Variants in TMEM120B observed in about 807,000 individuals in gnomAD.
TMEM120B encodes the protein transmembrane protein 120B.
TMEM120B carries 31 observed loss-of-function variants against 55.5 expected under a neutral mutation model. The ratio of observed to expected loss-of-function variants is 0.56; its 90% confidence interval spans 0.42 to 0.75. The LOEUF (loss-of-function observed/expected upper bound fraction) is 0.75. TMEM120B is among the 30% of genes least tolerant of loss of function. The pLI is 0.00. For missense variants in TMEM120B, 399 were observed against 425.5 expected (o/e 0.94, Z 0.55); for synonymous variants, 203 against 176.3 (o/e 1.15, Z -1.20).
rs371430672 is a variant in TMEM120B, at chr12:121,746,914, C to T, written c.189-1412C>T. Among the ~76,000 whole-genome samples, 10 of 151,204 alleles carry T rather than the reference C, an allele frequency of 6.6e-5. No individual in the cohort carries two copies. The South Asian group carries it at 1.3e-3, about 19-fold the overall frequency. On this transcript the variant is annotated intron_variant, in intron 2 of 11. Transcript: ENST00000449592. ...CGGAGCTTGCAGCGAGCCGAGATGG[C>T]GCCACTGCACTCCAGCCTGGGCGAC...
chr12:121,757,173 T>C (rs1010414272), intron 5 of TMEM120B, among the ~76,000 whole-genome samples: 2 of 150,924 alleles, frequency 1.3e-5, no homozygotes, highest in Non-Finnish European at 2.9e-5. Flanking sequence ...TTATTATTTA[T>C]ATTTTTGAGA....
Position 121,779,207 on chromosome 12 carries a change from T to G in TMEM120B, c.*3485T>G. On this transcript the variant is annotated 3_prime_UTR_variant, in exon 12 of 12. Coordinates refer to ENST00000449592, the MANE Select transcript of TMEM120B (RefSeq NM_001080825.2). ...TTTCAAGCATAACTTGAGTCTGCAC[T>G]GGGGAGACACTCGTGGTGGGGGTGG... 1 of 472,930 alleles carries G rather than the reference T, an allele frequency of 2.1e-6. No individual in the cohort carries two copies. The highest frequency in any genetic ancestry group is 2.6e-5 in the South Asian group (1 of 38,188). 29.3% of individuals were successfully genotyped at this position (472,930 alleles called of 1,614,324 possible).
At position 121,781,072 on chromosome 12, in the gene TMEM120B, G is replaced by A; in HGVS notation, c.*5350G>A. 2 of 1,614,130 alleles carry A rather than the reference G, an allele frequency of 1.2e-6. No homozygotes were observed. Among genetic ancestry groups the A allele is most frequent in the Non-Finnish European group, 1.7e-6 (2 of 1,179,970 alleles). Reference sequence around the variant, plus strand: ...CAGATGTGGGGCCACCACCCAGGAGGCCGGCCTCACCTTGATGAGGACGTT... The same window carrying A: ...CAGATGTGGGGCCACCACCCAGGAGACCGGCCTCACCTTGATGAGGACGTT... On this transcript the variant is annotated 3_prime_UTR_variant, in exon 12 of 12. Coordinates refer to ENST00000449592, the MANE Select transcript of TMEM120B (RefSeq NM_001080825.2).
intron 1 of TMEM120B, among the ~76,000 whole-genome samples, chr12:121,723,884 C>G (rs1198550524): frequency 6.6e-6 from 1 of 152,036 alleles, no homozygotes; most frequent in Non-Finnish European, 1.5e-5. Flanking sequence ...CCACGGCAGC[C>G]TTCACCTCCT....
chr12:121,739,154 TCTGGC>T (rs1477877543), intron 1 of TMEM120B, among the ~76,000 whole-genome samples: 4 of 152,162 alleles, frequency 2.6e-5, no homozygotes, highest in African/African-American at 7.2e-5. Context: ...ACCACTGTAC[TCTGGC>T]CTGGGCGACA....
chr12:121,779,803 T>C lies in TMEM120B; in HGVS notation c.*4081T>C, dbSNP rs892947917. 1.6e-5 allele frequency: 14 copies of C among 863,224 alleles called. No individual in the cohort carries two copies. Among genetic ancestry groups the C allele is most frequent in the Non-Finnish European group, 3.5e-6 (2 of 565,106 alleles). 53.5% of individuals were successfully genotyped at this position (863,224 alleles called of 1,614,324 possible). A position where few individuals can be genotyped will look rare whatever the true frequency, so the allele number is the denominator to read the frequency against. On this transcript the variant is annotated 3_prime_UTR_variant, in exon 12 of 12. Coordinates refer to ENST00000449592, the MANE Select transcript of TMEM120B (RefSeq NM_001080825.2). ...GCCTGTCTGTCTCCTCCATCCTGGC[T>C]GCCCCTCACAGTGTGTGGGTGGAAT...
rs1303191544 is a variant in TMEM120B at position 121,776,275 on chromosome 12, T to A, written c.*553T>A. ...ACCCACCGCGTCTGCCTCGTGCTCT[T>A]CTTGCCCCTGGAGCGCTGGGGGCAT... is the stretch of plus-strand genomic sequence containing the variant. On this transcript the variant is annotated 3_prime_UTR_variant, in exon 12 of 12. Transcript: ENST00000449592. The A allele has an allele frequency of 5.6e-6, 1 of 177,664 alleles. No homozygotes were observed. The highest frequency in any genetic ancestry group is 2.5e-5 in the African/African-American group (1 of 40,148). 11.0% of individuals were successfully genotyped at this position (177,664 alleles called of 1,614,324 possible). A position where few individuals can be genotyped will look rare whatever the true frequency, so the allele number is the denominator to read the frequency against.
intron 1 of TMEM120B, among the ~76,000 whole-genome samples, chr12:121,739,109 C>T (rs1218895794): frequency 1.3e-5 from 2 of 152,110 alleles, no homozygotes; most frequent in Non-Finnish European, 2.9e-5. Context: ...ATTGCTTGAA[C>T]CCGGGAGGCA....
intron 4 of TMEM120B, among the ~76,000 whole-genome samples, chr12:121,751,659 C>T (rs968976920): frequency 6.7e-6 from 1 of 150,184 alleles, no homozygotes; most frequent in Non-Finnish European, 1.5e-5. Context: ...CCTCCCCTCC[C>T]TCCCCTCCCT....
intron 9 of TMEM120B, among the ~76,000 whole-genome samples, chr12:121,774,018 C>T (rs1252090738): frequency 1.4e-5 from 2 of 144,594 alleles, no homozygotes; most frequent in African/African-American, 5.3e-5. Flanking sequence ...TGCAGTGGCA[C>T]GATCTCTATT....
At chr12:121,768,481 T>C (rs1256251945) in intron 6 of TMEM120B, among the ~76,000 whole-genome samples, 1 of 152,208 alleles carries the variant, frequency 6.6e-6, no homozygotes, top group Non-Finnish European at 1.5e-5. Flanking sequence ...AGTCTCGTTC[T>C]TACGATGTGC....
In TMEM120B at chr12:121,779,814, G is replaced by T; in HGVS notation, c.*4092G>T. ...TCCTCCATCCTGGCTGCCCCTCACA[G>T]TGTGTGGGTGGAATGGAGGGCCAGG... On this transcript the variant is annotated 3_prime_UTR_variant, in exon 12 of 12. Transcript: ENST00000449592. 1.3e-6 allele frequency: 1 copy of T among 780,232 alleles called. No individual in the cohort carries two copies. Among genetic ancestry groups the T allele is most frequent in the Non-Finnish European group, 2.0e-6 (1 of 494,608 alleles). The allele number at this position is 780,232 out of a possible 1,614,324, so 48.3% of individuals were successfully genotyped here. A position where few individuals can be genotyped will look rare whatever the true frequency, so the allele number is the denominator to read the frequency against.
intron 1 of TMEM120B, among the ~76,000 whole-genome samples, chr12:121,736,418 T>G (rs113297342): frequency 2.0e-5 from 3 of 151,568 alleles, no homozygotes; most frequent in Non-Finnish European, 4.4e-5. Context: ...TCCGCCCGCC[T>G]TGGCCTCCCA....
rs200513570 is a variant in TMEM120B at position 121,775,128 on chromosome 12, C to T, written c.904C>T (p.Gln302Ter). The T allele has an allele frequency of 6.7e-7, 1 of 1,484,114 alleles. No individual in the cohort carries two copies. The highest frequency in any genetic ancestry group is 2.5e-5 in the East Asian group (1 of 40,232). The allele number at this position is 1,484,114 out of a possible 1,614,324, so 91.9% of individuals were successfully genotyped here. ...LSSHEECREW[Q>*]VFVLAFTFLI... ...CAGCCACGAGGAATGCAGAGAATGG[C>T]AGGTATGGGGGGTGGGGGCATGCTC... The change falls in exon 11 of 12, where the codon CAG (glutamine) becomes TAG (stop). Residue 302 changes from glutamine (Q) to a stop codon, truncating the protein, a stop_gained and splice_region_variant. Transcript: ENST00000449592. LOFTEE classifies it high-confidence loss of function. This position sits in a 1 kb window ranked among gnomAD's most constrained non-coding sequence, Gnocchi z 4.3.
intron 9 of TMEM120B, 38 bp downstream of exon 9, chr12:121,773,551 C>T (rs779205369): frequency 6.7e-7 from 1 of 1,486,660 alleles, no homozygotes; most frequent in Non-Finnish European, 9.1e-7. Context: ...GGGGCAGGTA[C>T]TGGACCTGCC....
chr12:121,712,987 C>A, intron 1 of TMEM120B, 23 bp downstream of exon 1: 1 of 1,519,218 alleles, frequency 6.6e-7, no homozygotes, highest in East Asian at 2.7e-5. Context: ...CACCTGGTCC[C>A]GCAACTCTGC....
intron 1 of TMEM120B, among the ~76,000 whole-genome samples, chr12:121,718,979 G>A (rs1368166516): frequency 6.6e-6 from 1 of 152,136 alleles, no homozygotes; most frequent in Non-Finnish European, 1.5e-5. Flanking sequence ...GCCCTCAGCT[G>A]ACATCTGTCA....
At position 121,775,839 on chromosome 12, in the gene TMEM120B, C is replaced by G. The variant is rs1374860375; in HGVS notation, c.*117C>G. The G allele has an allele frequency of 1.0e-6, 1 of 981,684 alleles. No homozygotes were observed. Among genetic ancestry groups the G allele is most frequent in the South Asian group, 1.3e-5 (1 of 74,158 alleles). The allele number at this position is 981,684 out of a possible 1,614,324, so 60.8% of individuals were successfully genotyped here. A position where few individuals can be genotyped will look rare whatever the true frequency, so the allele number is the denominator to read the frequency against. On this transcript the variant is annotated 3_prime_UTR_variant, in exon 12 of 12. Coordinates refer to ENST00000449592, the MANE Select transcript of TMEM120B (RefSeq NM_001080825.2). The surrounding 1 kb of genome is among the most constrained non-coding windows in gnomAD (Gnocchi z 4.3). ...TGGGAGAGGGCCCAGGCCCTGGTCC[C>G]CCAGTGGACCCCAGTGGTCTAGAGG...
chr12:121,756,126 C>T (rs558664918), intron 5 of TMEM120B, among the ~76,000 whole-genome samples: 1 of 152,244 alleles, frequency 6.6e-6, no homozygotes, highest in African/African-American at 2.4e-5. Context: ...ATAATGATCC[C>T]CAAAGATGTT....
Sources: allele counts gnomAD v4.1 joint callset (sites outside exome capture counted in the v4.1 genomes callset), GRCh38; gene constraint gnomAD v4.1.1; non-coding constraint Gnocchi (gnomAD v3.1); transcripts MANE v1.5; gene names NCBI Gene and HGNC (gene_info 2026-07-23, HGNC 2026-07-21).